Variants in EYS observed in about 807,000 individuals in gnomAD.
EYS encodes protein eyes shut homolog.
EYS carries 250 observed loss-of-function variants against 282.1 expected under a neutral mutation model. The ratio of observed to expected loss-of-function variants is 0.89; its 90% confidence interval spans 0.80 to 0.98. EYS has a LOEUF of 0.98. EYS is among the 50% of genes least tolerant of loss of function. The pLI is 0.00. For missense variants in EYS, 4,016 were observed against 3,709.0 expected (o/e 1.08, Z -2.15); for synonymous variants, 1,355 against 1,282.9 (o/e 1.06, Z -1.20).
At chr6:65,316,832 G>A (rs570174117) in intron 11 of EYS, among the ~76,000 whole-genome samples, 1 of 152,232 alleles carries the variant, frequency 6.6e-6, no homozygotes, top group African/African-American at 2.4e-5. Flanking sequence ...TGGCTGCATA[G>A]TATTCCATGT....
chr6:63,947,510 C>G (rs1169831650), intron 35 of EYS, among the ~76,000 whole-genome samples: 2 of 151,976 alleles, frequency 1.3e-5, no homozygotes, highest in African/African-American at 4.8e-5. Context: ...AAGAAATACT[C>G]TTTATAGAAA....
chr6:65,678,990 A>C (rs1435233066), intron 1 of EYS, among the ~76,000 whole-genome samples: 2 of 152,084 alleles, frequency 1.3e-5, no homozygotes, highest in South Asian at 2.1e-4. Flanking sequence ...TGATAATAAT[A>C]ATCCTCAGTA....
chr6:65,137,165 A>G (rs1776044719), intron 12 of EYS, among the ~76,000 whole-genome samples: 1 of 152,140 alleles, frequency 6.6e-6, no homozygotes, highest in Admixed American at 6.6e-5. Flanking sequence ...ATAAGTAAAT[A>G]AAACTGACAA....
chr6:65,657,389 A>G (rs1028478921), intron 1 of EYS, among the ~76,000 whole-genome samples: 5 of 151,896 alleles, frequency 3.3e-5, no homozygotes, highest in African/African-American at 1.2e-4. Context: ...CATTAAGAAC[A>G]TTAGTGTTTC....
Position 65,162,911 on chromosome 6 carries a change from T to TG in EYS, c.2024-105185_2024-105184insC, listed in dbSNP as rs1764885015. Among the ~76,000 whole-genome samples the TG allele has an allele frequency of 4.8e-5, 7 of 147,288 alleles. No homozygotes were observed. In the East Asian group the frequency reaches 8.1e-4, roughly 17 times the overall value. On this transcript the variant is annotated intron_variant, in intron 12 of 42. Coordinates refer to ENST00000503581, the MANE Select transcript of EYS (RefSeq NM_001142800.2). ...ACTGCAACAAGGCCTCCTGTTCTGT[T>TG]TGTGTGTGTGTGTGTGTGTGTGTGT...
chr6:65,043,982 C>T (rs1157494904), intron 13 of EYS, among the ~76,000 whole-genome samples: 1 of 151,618 alleles, frequency 6.6e-6, no homozygotes, highest in African/African-American at 2.4e-5. Flanking sequence ...GATGGTTTTA[C>T]TAATTTACAT....
intron 26 of EYS, among the ~76,000 whole-genome samples, chr6:64,549,818 G>A (rs1245428949): frequency 2.7e-5 from 4 of 148,550 alleles, no homozygotes; most frequent in Non-Finnish European, 5.9e-5. Flanking sequence ...CATGTGCCAT[G>A]TTGGTGTGCT....
intron 28 of EYS, among the ~76,000 whole-genome samples, chr6:64,425,986 T>C (rs1774397281): frequency 6.6e-6 from 1 of 151,154 alleles, no homozygotes; most frequent in Admixed American, 6.6e-5. Context: ...CAAGAGAAAA[T>C]ATTAGGTAGG....
chr6:65,705,934 T>G (rs975437336), intron 1 of EYS, among the ~76,000 whole-genome samples: 1 of 151,964 alleles, frequency 6.6e-6, no homozygotes, highest in African/African-American at 2.4e-5. Context: ...ATTTCCTTAA[T>G]CCTGCTAATA....
chr6:64,560,346 T>C (rs992730593), intron 26 of EYS, among the ~76,000 whole-genome samples: 3 of 152,052 alleles, frequency 2.0e-5, no homozygotes, highest in African/African-American at 4.8e-5. Context: ...AGATTATATA[T>C]ATTGGCCTTA....
At chr6:65,250,920 G>C (rs963935663) in intron 12 of EYS, among the ~76,000 whole-genome samples, 1 of 150,980 alleles carries the variant, frequency 6.6e-6, no homozygotes, top group African/African-American at 2.4e-5. Context: ...AAAATTTAGT[G>C]CAATTCAAAT....
intron 2 of EYS, among the ~76,000 whole-genome samples, chr6:65,504,773 A>T (rs1164797919): frequency 6.6e-6 from 1 of 151,608 alleles, no homozygotes; most frequent in Non-Finnish European, 1.5e-5. Context: ...AATAAATAAA[A>T]AAATTATTAT....
At chr6:64,905,300 G>C (rs112472091) in intron 16 of EYS, among the ~76,000 whole-genome samples, 1 of 152,126 alleles carries the variant, frequency 6.6e-6, no homozygotes, top group Non-Finnish European at 1.5e-5. Context: ...TCTGTGAAAG[G>C]TACTTGTTTT....
intron 22 of EYS, among the ~76,000 whole-genome samples, chr6:64,640,910 C>T (rs1768127792): frequency 1.3e-5 from 2 of 152,096 alleles, no homozygotes; most frequent in Non-Finnish European, 2.9e-5. Context: ...GTCAGCTGCC[C>T]TATTCAAGAG....
chr6:64,559,218 T>C (rs912375994), intron 26 of EYS, among the ~76,000 whole-genome samples: 1 of 151,880 alleles, frequency 6.6e-6, no homozygotes, highest in African/African-American at 2.4e-5. Flanking sequence ...GTAATGACCA[T>C]AAACTATTTA....
intron 21 of EYS, among the ~76,000 whole-genome samples, chr6:64,814,551 A>G (rs917481177): frequency 1.6e-4 from 24 of 152,160 alleles, no homozygotes; most frequent in African/African-American, 3.9e-4. Context: ...ACCATATCAT[A>G]CCATATGCTT....
chr6:65,568,231 T>C (rs774142022), intron 2 of EYS, among the ~76,000 whole-genome samples: 2 of 152,140 alleles, frequency 1.3e-5, no homozygotes, highest in African/African-American at 2.4e-5. Context: ...TGTCCTTCAA[T>C]AGAATTCCTC....
At chr6:64,614,661 A>G (rs1366194210) in intron 24 of EYS, among the ~76,000 whole-genome samples, 1 of 152,132 alleles carries the variant, frequency 6.6e-6, no homozygotes, top group Non-Finnish European at 1.5e-5. Context: ...TCTACTGAAC[A>G]TCATAGTTTG....
At chr6:64,786,661 C>T (rs1047846363) in intron 22 of EYS, among the ~76,000 whole-genome samples, 4 of 152,196 alleles carry the variant, frequency 2.6e-5, no homozygotes, top group African/African-American at 9.6e-5. Flanking sequence ...TGTTGATTCT[C>T]AGTCCAGGTT....
Sources: gnomAD v4.1 joint callset for allele counts (sites outside exome capture counted in the v4.1 genomes callset) on GRCh38, gnomAD v4.1.1 for gene constraint, MANE v1.5 for transcripts, NCBI Gene and HGNC (gene_info 2026-07-23, HGNC 2026-07-21) for gene names.